Variants in FGF1 observed in about 807,000 individuals in gnomAD.
The protein encoded by FGF1 is fibroblast growth factor 1.
Under a neutral mutation model 13.4 loss-of-function variants are expected in FGF1, and 9 were observed. That is an observed-to-expected ratio of 0.67 (90% CI 0.40 to 1.17). FGF1 has a LOEUF of 1.17. Among genes scored for constraint, FGF1 ranks in the 50% most tolerant of loss-of-function variants. FGF1 has a pLI of 0.01. For missense variants in FGF1, 156 were observed against 192.7 expected (o/e 0.81, Z 1.13); for synonymous variants, 93 against 79.0 (o/e 1.18, Z -0.94).
intron 1 of FGF1, among the ~76,000 whole-genome samples, chr5:142,676,438 T>C (rs1772622378): frequency 3.3e-5 from 5 of 152,250 alleles, no homozygotes; most frequent in Admixed American, 3.3e-4. Flanking sequence ...AACTCACATC[T>C]TCCTGTCAAC....
intron 1 of FGF1, among the ~76,000 whole-genome samples, chr5:142,675,316 TC>T (rs1391350799): frequency 6.6e-6 from 1 of 152,044 alleles, no homozygotes; most frequent in Non-Finnish European, 1.5e-5. Context: ...TATTCTGGCC[TC>T]CCTTGGTGAA....
chr5:142,610,503 C>G (rs1203877983), intron 2 of FGF1, among the ~76,000 whole-genome samples: 1 of 152,194 alleles, frequency 6.6e-6, no homozygotes, highest in African/African-American at 2.4e-5. Context: ...TCCCCTGGAC[C>G]TGATCTTCTT....
intron 1 of FGF1, among the ~76,000 whole-genome samples, chr5:142,657,412 C>T (rs1364455829): frequency 6.6e-6 from 1 of 152,138 alleles, no homozygotes. Flanking sequence ...ATGTCAGCAC[C>T]CCCCCAACAC....
At chr5:142,692,545 T>C (rs1249647148) in intron 2 of FGF1, among the ~76,000 whole-genome samples, 1 of 152,058 alleles carries the variant, frequency 6.6e-6, no homozygotes. Context: ...CTTGGTATAT[T>C]GGAGTGTATG....
At chr5:142,623,619 G>A (rs747283258) in intron 1 of FGF1, among the ~76,000 whole-genome samples, 4 of 152,108 alleles carry the variant, frequency 2.6e-5, no homozygotes, top group Non-Finnish European at 5.9e-5. Flanking sequence ...AGAGTGCTGG[G>A]ATTACAGGCA....
chr5:142,658,403 C>T (rs372707124), intron 1 of FGF1, among the ~76,000 whole-genome samples: 1 of 152,238 alleles, frequency 6.6e-6, no homozygotes, highest in African/African-American at 2.4e-5. Context: ...ATCACATTTC[C>T]TGTTATTTCT....
At chr5:142,645,900 T>C (rs2151960808) in intron 1 of FGF1, among the ~76,000 whole-genome samples, 1 of 152,268 alleles carries the variant, frequency 6.6e-6, no homozygotes, top group African/African-American at 2.4e-5. Flanking sequence ...CTTACTTTGT[T>C]TTTTTGTTTT....
At chr5:142,632,062 C>T (rs186418201) in intron 1 of FGF1, among the ~76,000 whole-genome samples, 4 of 152,134 alleles carry the variant, frequency 2.6e-5, no homozygotes, top group East Asian at 1.9e-4. Context: ...ATTACAAGCA[C>T]GAGCCACCAC....
At chr5:142,678,161 C>A (rs7705224) in intron 1 of FGF1, among the ~76,000 whole-genome samples, 2 of 152,070 alleles carry the variant, frequency 1.3e-5, no homozygotes, top group African/African-American at 2.4e-5. Flanking sequence ...ATCTTACCCC[C>A]CAAGAGGCCT....
At chr5:142,674,288 CCATCAGAATGT>C (rs2152035222) in intron 1 of FGF1, among the ~76,000 whole-genome samples, 1 of 152,244 alleles carries the variant, frequency 6.6e-6, no homozygotes, top group African/African-American at 2.4e-5. Context: ...CTCCTCTGCC[CCATCAGAATGT>C]CAGTGGCTCA....
chr5:142,684,692 G>T (rs1049999576), intron 1 of FGF1, among the ~76,000 whole-genome samples: 2 of 152,222 alleles, frequency 1.3e-5, no homozygotes, highest in African/African-American at 4.8e-5. Flanking sequence ...CTGACAAACA[G>T]CTCCAGTAAA....
intron 1 of FGF1, among the ~76,000 whole-genome samples, chr5:142,669,027 G>C (rs1326521153): frequency 6.6e-6 from 1 of 152,234 alleles, no homozygotes; most frequent in African/African-American, 2.4e-5. Flanking sequence ...CCAGGGGTGG[G>C]CAAGTAGAGG....
At chr5:142,613,901 C>T (rs1219564422) in intron 2 of FGF1, 58 bp downstream of exon 2, 1 of 1,569,480 alleles carries the variant, frequency 6.4e-7, no homozygotes, top group East Asian at 2.3e-5. Context: ...ACCTTCCTCC[C>T]ACCTTGACTA....
intron 2 of FGF1, among the ~76,000 whole-genome samples, chr5:142,606,383 G>A (rs182302628): frequency 3.2e-4 from 49 of 151,724 alleles, no homozygotes; most frequent in Admixed American, 2.9e-3. Flanking sequence ...TCAGGAGGCC[G>A]AGGCAGGTAG....
intron 2 of FGF1, among the ~76,000 whole-genome samples, chr5:142,604,479 C>T (rs1005921135): frequency 2.6e-5 from 4 of 152,086 alleles, no homozygotes; most frequent in African/African-American, 9.7e-5. Context: ...AGAGTGTGGG[C>T]TCCAGAACAC....
intron 1 of FGF1, among the ~76,000 whole-genome samples, chr5:142,660,801 A>G (rs764437595): frequency 6.6e-6 from 1 of 152,212 alleles, no homozygotes; most frequent in Non-Finnish European, 1.5e-5. Flanking sequence ...CCCACAGTCT[A>G]TCTGCCAGGC....
rs10065981 is a variant in FGF1 at position 142,615,622 on chromosome 5, G to A, written c.-34-1461C>T. On this transcript the variant is annotated intron_variant, in intron 1 of 3. Coordinates refer to ENST00000337706, the MANE Select transcript of FGF1 (RefSeq NM_000800.5). The stretch of plus-strand genomic sequence containing the variant: ...AAAAATCATCACCCTCATCATTAAC[G>A]TATTTTGGGCTACAGGTTATCTCAA... 3.0e-3 allele frequency among the ~76,000 whole-genome samples: 462 copies of A among 152,308 alleles called. 2 individuals carry two copies. The highest frequency in any genetic ancestry group is 0.011 in the African/African-American group (438 of 41,578).
intron 1 of FGF1, among the ~76,000 whole-genome samples, chr5:142,624,834 G>C (rs561978859): frequency 5.9e-5 from 9 of 152,228 alleles, no homozygotes; most frequent in African/African-American, 2.2e-4. Context: ...AGCTCTGAAA[G>C]CTAGAAGTTC....
chr5:142,690,880 C>T (rs959399968), upstream of FGF1, among the ~76,000 whole-genome samples: 1 of 152,202 alleles, frequency 6.6e-6, no homozygotes, highest in African/African-American at 2.4e-5. Flanking sequence ...CTCCTCATAA[C>T]GGGCCAGGCT....
Sources: gnomAD v4.1 joint callset for allele counts (sites outside exome capture counted in the v4.1 genomes callset) on GRCh38, gnomAD v4.1.1 for gene constraint, MANE v1.5 for transcripts, NCBI Gene and HGNC (gene_info 2026-07-23, HGNC 2026-07-21) for gene names.